PC: variants seen among roughly 807,000 people sequenced by gnomAD.
The protein encoded by PC is pyruvate carboxylase.
In PC, 46 loss-of-function variants were observed where a neutral mutation model predicts 107.8. The observed-to-expected ratio is 0.43, with a 90% CI of 0.34 to 0.55. The LOEUF (loss-of-function observed/expected upper bound fraction) is 0.55. Ranked by LOEUF, PC falls within the 20% of genes least tolerant of loss-of-function variation. PC has a pLI of 0.04. For synonymous variants in PC, 662 were observed against 684.7 expected (o/e 0.97, Z 0.52); for missense variants, 1,241 against 1,643.1 (o/e 0.76, Z 4.23).
At chr11:66,851,495 G>A (rs374136489) in intron 16 of PC, among the ~76,000 whole-genome samples, 1 of 152,170 alleles carries the variant, frequency 6.6e-6, no homozygotes, top group Non-Finnish European at 1.5e-5. Flanking sequence ...TGTGGAAGAG[G>A]GTACTGAGCA....
At chr11:66,924,781 T>G (rs1346995433) in intron 3 of PC, among the ~76,000 whole-genome samples, 5 of 152,144 alleles carry the variant, frequency 3.3e-5, no homozygotes, top group Non-Finnish European at 7.3e-5. Context: ...CCTTCTTATT[T>G]GCAAACAAGA....
intron 3 of PC, among the ~76,000 whole-genome samples, chr11:66,938,536 C>G (rs1357624387): frequency 6.6e-6 from 1 of 152,088 alleles, no homozygotes; most frequent in Non-Finnish European, 1.5e-5. Context: ...TTGCACCCTT[C>G]TCTAATTAGA....
chr11:66,853,112 A>G lies in PC; in HGVS notation c.1513+127T>C, dbSNP rs542548278. 3.8e-6 allele frequency: 4 copies of G among 1,055,590 alleles called. No individual in the cohort carries two copies. The East Asian group carries it at 7.6e-5, about 20-fold the overall frequency. The allele number at this position is 1,055,590 out of a possible 1,614,324, so 65.4% of individuals were successfully genotyped here. On this transcript the variant is annotated intron_variant, in intron 13 of 22. Coordinates refer to ENST00000393960, the MANE Select transcript of PC (RefSeq NM_001040716.2). ...GACAAGAGGACGCAGGGCCAGAATGAGGGCAGGGGTGAGGGGCAGGGGGCA... is the reference window on the plus strand; with the variant it reads ...GACAAGAGGACGCAGGGCCAGAATGGGGGCAGGGGTGAGGGGCAGGGGGCA...
chr11:66,884,561 G>C (rs1565260227), intron 3 of PC, among the ~76,000 whole-genome samples: 2 of 152,182 alleles, frequency 1.3e-5, no homozygotes, highest in Non-Finnish European at 2.9e-5. Flanking sequence ...ATTGATTAGA[G>C]CCCAAAGTGA....
At chr11:66,908,591 G>C (rs533297584) in intron 3 of PC, among the ~76,000 whole-genome samples, 28 of 152,326 alleles carry the variant, frequency 1.8e-4, no homozygotes, top group African/African-American at 6.7e-4. Context: ...ACCAGGCTGA[G>C]CTCTGACCAG....
intron 1 of PC, among the ~76,000 whole-genome samples, chr11:66,957,413 T>C (rs1252464164): frequency 6.6e-6 from 1 of 152,188 alleles, no homozygotes; most frequent in African/African-American, 2.4e-5. Flanking sequence ...GCGTAGGAGT[T>C]CGAGACCAGC....
At chr11:66,938,946 G>A (rs142692849) in intron 3 of PC, among the ~76,000 whole-genome samples, 17 of 152,286 alleles carry the variant, frequency 1.1e-4, no homozygotes, top group African/African-American at 3.6e-4. Flanking sequence ...TCTAGAACTG[G>A]AATTGCTGTG....
At chr11:66,950,586 T>C (rs534748249) in intron 3 of PC, among the ~76,000 whole-genome samples, 3 of 152,268 alleles carry the variant, frequency 2.0e-5, no homozygotes, top group Admixed American at 2.0e-4. Context: ...CCTTAGTCCC[T>C]AGGCAAAGCT....
Position 66,858,125 on chromosome 11 carries a change from CA to C in PC, c.1369-4743del. 1 of 1,610,646 alleles carries C rather than the reference CA, an allele frequency of 6.2e-7. No homozygotes were observed. The highest frequency in any genetic ancestry group is 8.5e-7 in the Non-Finnish European group (1 of 1,178,850). On this transcript the variant is annotated intron_variant, in intron 12 of 22. Transcript: ENST00000393960. This position sits in a 1 kb window ranked among gnomAD's most constrained non-coding sequence, Gnocchi z 5.9. The stretch of plus-strand genomic sequence containing the variant: ...CCGTCAATCTGCAGCACCTCATCCT[CA>C]GCGGCAACCAGCTGGGCCGCATCGC...
intron 3 of PC, among the ~76,000 whole-genome samples, chr11:66,929,506 A>T (rs1026043690): frequency 6.6e-6 from 1 of 152,110 alleles, no homozygotes; most frequent in Non-Finnish European, 1.5e-5. Flanking sequence ...AGCTGGGACC[A>T]CAGGTGTATG....
intron 11 of PC, among the ~76,000 whole-genome samples, chr11:66,865,050 G>T (rs971371361): frequency 6.6e-6 from 1 of 152,244 alleles, no homozygotes; most frequent in African/African-American, 2.4e-5. Flanking sequence ...AAGAGCCAGG[G>T]CTTGGAAGTG....
intron 3 of PC, among the ~76,000 whole-genome samples, chr11:66,938,395 A>G (rs1949049274): frequency 6.6e-6 from 1 of 152,158 alleles, no homozygotes; most frequent in Admixed American, 6.6e-5. Context: ...CCAGCAATCT[A>G]TATCTCATAT....
chr11:66,887,078 C>G (rs928517421), intron 3 of PC, among the ~76,000 whole-genome samples: 12 of 152,282 alleles, frequency 7.9e-5, no homozygotes, highest in African/African-American at 2.6e-4. Context: ...CCACAGAGTG[C>G]TTACTGGGCT....
chr11:66,944,551 C>A (rs1435157221), intron 3 of PC, among the ~76,000 whole-genome samples: 1 of 116,186 alleles, frequency 8.6e-6, no homozygotes, highest in East Asian at 2.6e-4. Context: ...TGCATCCATC[C>A]TGGGTGACAC....
chr11:66,860,890 C>T (rs1038088326), intron 12 of PC, among the ~76,000 whole-genome samples: 1 of 152,162 alleles, frequency 6.6e-6, no homozygotes, highest in Admixed American at 6.5e-5. Flanking sequence ...GGAGAACGGA[C>T]CTGGGCTGAG....
Position 66,853,354 on chromosome 11 carries a change from G to A in PC, c.1398C>T (p.Leu466=). The A allele has an allele frequency of 6.2e-7, 1 of 1,614,068 alleles. No individual in the cohort carries two copies. The highest frequency in any genetic ancestry group is 8.5e-7 in the Non-Finnish European group (1 of 1,179,996). The part of the protein sequence containing the change: ...KTNIAFLQNV[L]NNQQFLAGTV... ...TGCCTGCCAGGAACTGCTGGTTGTT[G>A]AGCACATTCTGCAGGAAGGCGATGT... is the stretch of plus-strand genomic sequence containing the variant. Residue 466 remains leucine, a synonymous_variant, in exon 13 of 23, where the codon CTC becomes CTT. Transcript: ENST00000393960.
At chr11:66,953,489 C>T (rs962087584) in intron 2 of PC, among the ~76,000 whole-genome samples, 8 of 152,154 alleles carry the variant, frequency 5.3e-5, no homozygotes, top group Admixed American at 2.0e-4. Context: ...AATCACTTTT[C>T]GGAGTTTTAT....
intron 3 of PC, among the ~76,000 whole-genome samples, chr11:66,917,591 C>T (rs1948493118): frequency 6.6e-6 from 1 of 152,140 alleles, no homozygotes; most frequent in Non-Finnish European, 1.5e-5. Context: ...CTGAAGGCTG[C>T]GTTTGTTGCT....
At chr11:66,937,784 T>TG (rs1565298828) in intron 3 of PC, among the ~76,000 whole-genome samples, 1 of 151,446 alleles carries the variant, frequency 6.6e-6, no homozygotes, top group African/African-American at 2.4e-5. Flanking sequence ...TTTTTTGTTT[T>TG]TTTTTTTTTT....
Sources: gnomAD v4.1 joint callset for allele counts (sites outside exome capture counted in the v4.1 genomes callset) on GRCh38, gnomAD v4.1.1 for gene constraint, Gnocchi (gnomAD v3.1) non-coding constraint, MANE v1.5 for transcripts, NCBI Gene and HGNC (gene_info 2026-07-23, HGNC 2026-07-21) for gene names.